The following MAPKAPK5 variants were observed in gnomAD, a reference collection of about 807,000 sequenced individuals.
MAPKAPK5 encodes MAP kinase-activated protein kinase 5.
In MAPKAPK5, 30 loss-of-function variants were observed where a neutral mutation model predicts 65.1. The observed-to-expected ratio is 0.46, with a 90% CI of 0.34 to 0.63. The LOEUF is 0.63. Among genes scored for constraint, MAPKAPK5 ranks in the 20% least tolerant of loss-of-function variants. The probability of loss-of-function intolerance (pLI) is 0.01; values close to 1 mark genes in which losing one functional copy is unlikely to be tolerated. For synonymous variants in MAPKAPK5, 179 were observed against 204.6 expected, an observed-to-expected ratio of 0.87 and a Z score of 1.07; for missense variants, 433 against 581.4, an observed-to-expected ratio of 0.74 and a Z score of 2.63.
intron 1 of MAPKAPK5, among the ~76,000 whole-genome samples, chr12:111,860,461 A>G (rs2069400018): frequency 6.6e-6 from 1 of 152,226 alleles, no homozygotes; most frequent in Admixed American, 6.5e-5. Flanking sequence ...CCATCTAACA[A>G]AGACAACTGC....
chr12:111,874,467 T>TG (rs1340648050), intron 7 of MAPKAPK5, among the ~76,000 whole-genome samples: 7 of 149,582 alleles, frequency 4.7e-5, no homozygotes, highest in South Asian at 4.2e-4. Flanking sequence ...TTGTTTGTTT[T>TG]GGGTTTTTTT....
chr12:111,864,256 C>A (rs2069533344), intron 1 of MAPKAPK5, among the ~76,000 whole-genome samples: 1 of 152,066 alleles, frequency 6.6e-6, no homozygotes, highest in African/African-American at 2.4e-5. Context: ...GCCTGGGTGA[C>A]CCTCGGTCTT....
chr12:111,890,704 C>T (rs2070573479), intron 13 of MAPKAPK5, among the ~76,000 whole-genome samples: 1 of 152,268 alleles, frequency 6.6e-6, no homozygotes, highest in Non-Finnish European at 1.5e-5. Context: ...GTCCCTCAGG[C>T]TGGAGTGCAG....
intron 1 of MAPKAPK5, among the ~76,000 whole-genome samples, chr12:111,859,057 A>G (rs2069342126): frequency 6.8e-6 from 1 of 147,352 alleles, no homozygotes; most frequent in African/African-American, 2.5e-5. Flanking sequence ...GCATCCAATC[A>G]GAGATGGATG....
intron 1 of MAPKAPK5, among the ~76,000 whole-genome samples, chr12:111,854,720 A>G (rs1041038592): frequency 1.3e-5 from 2 of 152,216 alleles, no homozygotes; most frequent in African/African-American, 2.4e-5. Context: ...ATCTGGAGAC[A>G]TTTTTGGTTA....
chr12:111,885,706 T>G, intron 9 of MAPKAPK5: 1 of 531,540 alleles, frequency 1.9e-6, no homozygotes, highest in Non-Finnish European at 3.3e-6. Context: ...CATTTTAATC[T>G]CACTTTTTCC....
chr12:111,868,572 AT>A (rs893081674), intron 4 of MAPKAPK5, among the ~76,000 whole-genome samples, 180 bp from the exon 5 acceptor site: 3 of 150,872 alleles, frequency 2.0e-5, no homozygotes, highest in East Asian at 1.9e-4. Context: ...TCACATTAAA[AT>A]TTTTTTTTTC....
At position 111,893,555 on chromosome 12, in the gene MAPKAPK5, G is replaced by A. The variant is rs560764529; in HGVS notation, c.*494G>A. The A allele has an allele frequency of 5.9e-5, 9 of 152,312 alleles. No homozygotes were observed. The highest frequency in any genetic ancestry group is 1.9e-4 in the African/African-American group (8 of 41,526). 9.4% of individuals were successfully genotyped at this position (152,312 alleles called of 1,614,324 possible). On this transcript the variant is annotated 3_prime_UTR_variant, in exon 14 of 14. Coordinates refer to ENST00000550735, the MANE Select transcript of MAPKAPK5 (RefSeq NM_003668.4). ...CACAGGAGGCACACTTGAGCTTGGG[G>A]AGCCAACTTCCATGATGGAAGAAGA...
rs118050195 is a variant in MAPKAPK5, at chr12:111,891,212, G to A, written c.1321+1068G>A. ...GGGCTCATGCGATTCTCCCACCCCA[G>A]CCTCCCAAGGAACTGGGACTACAGG... On this transcript the variant is annotated intron_variant, in intron 13 of 13. Coordinates refer to ENST00000550735, the MANE Select transcript of MAPKAPK5 (RefSeq NM_003668.4). Among the ~76,000 whole-genome samples the A allele has an allele frequency of 8.6e-5, 13 of 151,114 alleles. No individual in the cohort carries two copies. The East Asian group carries it at 2.6e-3, about 30-fold the overall frequency.
intron 1 of MAPKAPK5, among the ~76,000 whole-genome samples, chr12:111,861,069 A>T (rs189545564): frequency 2.6e-4 from 39 of 151,708 alleles, no homozygotes; most frequent in Non-Finnish European, 5.2e-4. Context: ...TGAGGCAGGA[A>T]AAGCTTGAAC....
Position 111,885,767 on chromosome 12 carries a change from A to G in MAPKAPK5, c.849-149A>G, listed in dbSNP as rs2136146991. On this transcript the variant is annotated intron_variant, in intron 9 of 13. Transcript: ENST00000550735. Reference sequence around the variant, plus strand: ...ATAGTACCCCTACAAGTGGTTGGAGACTAGAATCCCATCTGTGCTCTGCAG... The same window carrying G: ...ATAGTACCCCTACAAGTGGTTGGAGGCTAGAATCCCATCTGTGCTCTGCAG... 3 of 889,394 alleles carry G rather than the reference A, an allele frequency of 3.4e-6. No individual in the cohort carries two copies. The South Asian group carries it at 5.5e-5, about 16-fold the overall frequency. The allele number at this position is 889,394 out of a possible 1,614,324, so 55.1% of individuals were successfully genotyped here.
chr12:111,867,442 A>C (rs1464160400), intron 3 of MAPKAPK5, 130 bp from the exon 4 acceptor site: 6 of 593,874 alleles, frequency 1.0e-5, no homozygotes, highest in Non-Finnish European at 1.5e-5. Context: ...CTTTGAAAAC[A>C]CTGGGTTTTT....
In MAPKAPK5 at chr12:111,883,832, A is replaced by T; in HGVS notation, c.848+64A>T. ...CCTCCAGGTGGTGGAGCACAAGGGA[A>T]TGTGGGTAGAGAAAAGTCACTGGTT... On this transcript the variant is annotated intron_variant, in intron 9 of 13. Coordinates refer to ENST00000550735, the MANE Select transcript of MAPKAPK5 (RefSeq NM_003668.4). This position sits in a 1 kb window ranked among gnomAD's most constrained non-coding sequence, Gnocchi z 4.8. 6.6e-7 allele frequency: 1 copy of T among 1,518,046 alleles called. No homozygotes were observed. Among genetic ancestry groups the T allele is most frequent in the Non-Finnish European group, 8.9e-7 (1 of 1,126,464 alleles). 94.0% of individuals were successfully genotyped at this position (1,518,046 alleles called of 1,614,324 possible). A position where few individuals can be genotyped will look rare whatever the true frequency, so the allele number is the denominator to read the frequency against.
chr12:111,849,470 G>T (rs1289136201), intron 1 of MAPKAPK5, among the ~76,000 whole-genome samples: 1 of 150,792 alleles, frequency 6.6e-6, no homozygotes, highest in African/African-American at 2.4e-5. Flanking sequence ...TGCCATGTTG[G>T]CCAGGCTTGT....
chr12:111,863,184 C>T (rs2069499541), intron 1 of MAPKAPK5, among the ~76,000 whole-genome samples: 1 of 152,186 alleles, frequency 6.6e-6, no homozygotes, highest in Non-Finnish European at 1.5e-5. Context: ...GCCCATAACT[C>T]ACTGTGTGAC....
At chr12:111,869,521 T>C (rs2069715017) in intron 5 of MAPKAPK5, among the ~76,000 whole-genome samples, 1 of 152,148 alleles carries the variant, frequency 6.6e-6, no homozygotes, top group South Asian at 2.1e-4. Flanking sequence ...CACAGCCCAA[T>C]TGCTTCTTAA....
chr12:111,887,854 CAT>C (rs897689880), intron 10 of MAPKAPK5: 3 of 144,374 alleles, frequency 2.1e-5, no homozygotes, highest in East Asian at 6.5e-4. Flanking sequence ...CACACACACA[CAT>C]TCTGTCCTTC....
At chr12:111,870,388 G>C (rs746067584) in intron 6 of MAPKAPK5, 28 bp downstream of exon 6, 12 of 1,565,874 alleles carry the variant, frequency 7.7e-6, no homozygotes, top group Non-Finnish European at 1.1e-5. Flanking sequence ...CTGCATTTTA[G>C]TGCTGCAACT....
chr12:111,851,114 T>A (rs903987809), intron 1 of MAPKAPK5, among the ~76,000 whole-genome samples: 1 of 152,134 alleles, frequency 6.6e-6, no homozygotes, highest in East Asian at 1.9e-4. Flanking sequence ...GCCAGGCTGG[T>A]CTTGAACTCC....
Sources: allele counts gnomAD v4.1 joint callset (sites outside exome capture counted in the v4.1 genomes callset), GRCh38; gene constraint gnomAD v4.1.1; non-coding constraint Gnocchi (gnomAD v3.1); transcripts MANE v1.5; gene names NCBI Gene and HGNC (gene_info 2026-07-23, HGNC 2026-07-21).